The following ITPRID1 variants were observed in gnomAD, a reference collection of about 807,000 sequenced individuals.
ITPRID1 encodes the protein ITPR interacting domain containing 1.
Under a neutral mutation model 95.4 loss-of-function variants are expected in ITPRID1, and 96 were observed. That is an observed-to-expected ratio of 1.01 (90% CI 0.85 to 1.19). The LOEUF (loss-of-function observed/expected upper bound fraction) is 1.19, where lower values mean the gene tolerates loss of function less well. Among genes scored for constraint, ITPRID1 ranks in the 50% most tolerant of loss-of-function variants. The pLI, the probability that ITPRID1 is intolerant of heterozygous loss-of-function variation, is 0.00. For missense variants in ITPRID1, 1,339 were observed against 1,252.9 expected (o/e 1.07, Z -1.04); for synonymous variants, 510 against 453.6 (o/e 1.12, Z -1.58).
At chr7:31,559,194 C>G (rs550828789) in intron 5 of ITPRID1, among the ~76,000 whole-genome samples, 2 of 152,208 alleles carry the variant, frequency 1.3e-5, no homozygotes, top group East Asian at 1.9e-4. Context: ...TAAATGAGCT[C>G]CCTTCCACTG....
At chr7:31,569,681 G>A (rs1051832532) in intron 5 of ITPRID1, 77 bp from the exon 6 acceptor site, 1 of 1,292,128 alleles carries the variant, frequency 7.7e-7, no homozygotes, top group African/African-American at 1.5e-5. Flanking sequence ...TTCTACCTTG[G>A]TTTCATTTGG....
At chr7:31,585,187 G>T (rs1338513214) in intron 10 of ITPRID1, among the ~76,000 whole-genome samples, 2 of 152,196 alleles carry the variant, frequency 1.3e-5, no homozygotes, top group Admixed American at 6.5e-5. Context: ...AGCCCACAGA[G>T]TCAGGAGGTA....
Position 31,643,634 on chromosome 7 carries a change from G to A in ITPRID1, c.2264G>A (p.Arg755Lys). The change falls in exon 12 of 15, where the codon AGA (arginine) becomes AAA (lysine). Residue 755 changes from arginine to lysine, a missense_variant. Physicochemically the swap from Arg to Lys is conservative, Grantham distance 26. Coordinates refer to ENST00000615280, the MANE Select transcript of ITPRID1 (RefSeq NM_001257967.3). The stretch of plus-strand genomic sequence containing the variant: ...GAAACAAGACTGGGGACAAAAGCAA[G>A]ACAGTTAAATGATGCTTCCATTCAG... ...ATETRLGTKA[R>K]QLNDASIQTS... The A allele has an allele frequency of 6.2e-7, 1 of 1,614,054 alleles. No individual in the cohort carries two copies. The highest frequency in any genetic ancestry group is 8.5e-7 in the Non-Finnish European group (1 of 1,179,900).
intron 10 of ITPRID1, among the ~76,000 whole-genome samples, chr7:31,619,793 G>A (rs1787637665): frequency 6.6e-6 from 1 of 152,182 alleles, no homozygotes; most frequent in Non-Finnish European, 1.5e-5. Context: ...ACAAGCTGAA[G>A]CAGCGCGAGG....
intron 1 of ITPRID1, among the ~76,000 whole-genome samples, chr7:31,527,873 T>G (rs1783472044): frequency 1.3e-5 from 2 of 152,350 alleles, no homozygotes; most frequent in South Asian, 4.1e-4. Flanking sequence ...CTAAGGATGA[T>G]ATCTGTATGT....
At chr7:31,584,012 A>C (rs1038246998) in intron 10 of ITPRID1, among the ~76,000 whole-genome samples, 4 of 152,172 alleles carry the variant, frequency 2.6e-5, no homozygotes, top group Non-Finnish European at 4.4e-5. Context: ...GTAGCTTTGC[A>C]AGTCTTCTCT....
intron 10 of ITPRID1, among the ~76,000 whole-genome samples, chr7:31,613,798 T>TCCC (rs949574098): frequency 2.6e-5 from 4 of 152,216 alleles, no homozygotes; most frequent in Non-Finnish European, 5.9e-5. Flanking sequence ...AATGCAGATC[T>TCCC]CCCTTTGAAT....
chr7:31,516,838 G>A (rs572490725), intron 1 of ITPRID1, among the ~76,000 whole-genome samples: 9 of 152,168 alleles, frequency 5.9e-5, no homozygotes, highest in East Asian at 5.8e-4. Flanking sequence ...TCTCGGTCTC[G>A]CTGACTTCAA....
chr7:31,576,015 T>C (rs563301597), intron 8 of ITPRID1, among the ~76,000 whole-genome samples: 2 of 152,320 alleles, frequency 1.3e-5, no homozygotes, highest in African/African-American at 4.8e-5. Flanking sequence ...AATTCTTTGA[T>C]CAATTCTTTA....
intron 12 of ITPRID1, among the ~76,000 whole-genome samples, chr7:31,647,742 G>A (rs1249738896): frequency 1.3e-5 from 2 of 151,370 alleles, no homozygotes; most frequent in African/African-American, 2.4e-5. Flanking sequence ...GACAATGGGA[G>A]TTCTGAGCAG....
intron 10 of ITPRID1, among the ~76,000 whole-genome samples, chr7:31,599,108 T>C (rs1786232153): frequency 6.6e-6 from 1 of 152,182 alleles, no homozygotes; most frequent in African/African-American, 2.4e-5. Context: ...AATGAAAGTA[T>C]AAGAATCATT....
intron 10 of ITPRID1, among the ~76,000 whole-genome samples, chr7:31,627,949 G>A (rs1788627085): frequency 6.6e-6 from 1 of 152,162 alleles, no homozygotes; most frequent in South Asian, 2.1e-4. Context: ...GAGAGTTTTA[G>A]AAAGGGGCTA....
At chr7:31,599,785 T>TC (rs1320063541) in intron 10 of ITPRID1, among the ~76,000 whole-genome samples, 1 of 150,824 alleles carries the variant, frequency 6.6e-6, no homozygotes, top group Non-Finnish European at 1.5e-5. Flanking sequence ...CACTGAACCC[T>TC]CCCGGATTCA....
At position 31,523,824 on chromosome 7, in the gene ITPRID1, G is replaced by A. The variant is rs564036784; in HGVS notation, c.-98+9704G>A. Among the ~76,000 whole-genome samples the A allele has an allele frequency of 2.3e-4, 35 of 152,280 alleles. 1 individual carries two copies. The highest frequency in any genetic ancestry group is 8.2e-4 in the African/African-American group (34 of 41,542). ...CAGGAGTGTTAAGTGCTCTCAGACTGTTTTATGCTCAGTGTTCCTGGTGTG... is the reference window on the plus strand; with the variant it reads ...CAGGAGTGTTAAGTGCTCTCAGACTATTTTATGCTCAGTGTTCCTGGTGTG... On this transcript the variant is annotated intron_variant, in intron 1 of 14. Coordinates refer to ENST00000615280, the MANE Select transcript of ITPRID1 (RefSeq NM_001257967.3).
chr7:31,651,758 A>C (rs1306846304), intron 13 of ITPRID1, among the ~76,000 whole-genome samples, 181 bp from the exon 14 acceptor site: 1 of 140,932 alleles, frequency 7.1e-6, no homozygotes, highest in African/African-American at 2.6e-5. Flanking sequence ...ATTATACTGC[A>C]ATAAAGTTGT....
intron 10 of ITPRID1, among the ~76,000 whole-genome samples, chr7:31,608,221 A>T (rs1337997557): frequency 6.6e-6 from 1 of 152,002 alleles, no homozygotes; most frequent in Non-Finnish European, 1.5e-5. Context: ...ATTAATTTAT[A>T]TGTCTGTCTG....
At chr7:31,616,121 TC>T (rs1787194890) in intron 10 of ITPRID1, among the ~76,000 whole-genome samples, 3 of 152,142 alleles carry the variant, frequency 2.0e-5, no homozygotes, top group Admixed American at 2.0e-4. Flanking sequence ...GTTGCAAGGT[TC>T]CTACTGTACA....
At chr7:31,604,134 G>A (rs38328) in intron 10 of ITPRID1, among the ~76,000 whole-genome samples, 151,176 of 152,328 alleles carry the variant, frequency 0.99, 75,022 homozygotes, top group Non-Finnish European at 1. Context: ...GCATCTACAC[G>A]GGGGTTAGTA....
intron 5 of ITPRID1, among the ~76,000 whole-genome samples, chr7:31,555,961 G>A (rs1784431966): frequency 6.6e-6 from 1 of 152,098 alleles, no homozygotes; most frequent in Admixed American, 6.6e-5. Flanking sequence ...TAAATCAAAT[G>A]TAAGTACCTC....
Sources: gnomAD v4.1 joint callset for allele counts (sites outside exome capture counted in the v4.1 genomes callset) on GRCh38, gnomAD v4.1.1 for gene constraint, MANE v1.5 for transcripts, NCBI Gene and HGNC (gene_info 2026-07-23, HGNC 2026-07-21) for gene names.